Variants in LYSMD3 observed in about 807,000 individuals in gnomAD.
LYSMD3 encodes lysM and putative peptidoglycan-binding domain-containing protein 3.
A neutral mutation model predicts 26.1 loss-of-function variants in LYSMD3; 13 were observed. That is an observed-to-expected ratio of 0.50 (90% CI 0.32 to 0.79). LYSMD3 has a LOEUF of 0.79. Ranked by LOEUF, LYSMD3 falls within the 30% of genes least tolerant of loss-of-function variation. The pLI, the probability that LYSMD3 is intolerant of heterozygous loss-of-function variation, is 0.03. For missense variants in LYSMD3, 331 were observed against 362.5 expected (o/e 0.91, Z 0.71); for synonymous variants, 109 against 119.4 (o/e 0.91, Z 0.57).
chr5:90,526,888 A>T (rs1018935696), intron 1 of LYSMD3: 4 of 152,236 alleles, frequency 2.6e-5, no homozygotes, highest in Non-Finnish European at 5.9e-5. Context: ...TTGCACATAG[A>T]TGAAAATGAA....
In LYSMD3 at chr5:90,520,870, G is replaced by T. The variant is rs181577821; in HGVS notation, c.256-1386C>A. Reference sequence around the variant, plus strand: ...GGAGGTGGTGGTTACAGTGAGCAGAGATTGTGCCACTGCACTCCAGCCTGG... The same window carrying T: ...GGAGGTGGTGGTTACAGTGAGCAGATATTGTGCCACTGCACTCCAGCCTGG... On this transcript the variant is annotated intron_variant, in intron 2 of 2. Coordinates refer to ENST00000315948, the MANE Select transcript of LYSMD3 (RefSeq NM_198273.2). 9.2e-5 allele frequency among the ~76,000 whole-genome samples: 14 copies of T among 151,802 alleles called. No homozygotes were observed. The East Asian group carries it at 2.7e-3, about 30-fold the overall frequency.
chr5:90,519,389 C>T lies in LYSMD3; in HGVS notation c.351G>A (p.Leu117=). 6.2e-7 allele frequency: 1 copy of T among 1,613,840 alleles called. No homozygotes were observed. Among genetic ancestry groups the T allele is most frequent in the Non-Finnish European group, 8.5e-7 (1 of 1,179,938 alleles). ...IKIPVKKFSS[L]TETLCPPKGR... is the part of the protein sequence containing the mutation. Reference sequence around the variant, plus strand: ...CTTTTGGAGGACAAAGTGTTTCGGTCAAGGAACTGAACTTTTTTACTGGAA... The same window carrying T: ...CTTTTGGAGGACAAAGTGTTTCGGTTAAGGAACTGAACTTTTTTACTGGAA... The change falls in exon 3 of 3, where the codon TTG becomes TTA. Residue 117 remains leucine (L), a synonymous_variant. Coordinates refer to ENST00000315948, the MANE Select transcript of LYSMD3 (RefSeq NM_198273.2).
chr5:90,519,545 A>C (rs1342506030), intron 2 of LYSMD3, 61 bp from the exon 3 acceptor site: 2 of 1,465,306 alleles, frequency 1.4e-6, no homozygotes, highest in Non-Finnish European at 1.8e-6. Context: ...AGGCAGCAAT[A>C]GTCATTCATT....
chr5:90,525,892 G>A (rs1223492459), intron 1 of LYSMD3, among the ~76,000 whole-genome samples: 1 of 152,046 alleles, frequency 6.6e-6, no homozygotes, highest in Admixed American at 6.5e-5. Flanking sequence ...AAGGCAAATT[G>A]CTATAATTCT....
chr5:90,522,356 C>T (rs1010829349), intron 2 of LYSMD3, among the ~76,000 whole-genome samples: 1 of 152,142 alleles, frequency 6.6e-6, no homozygotes, highest in South Asian at 2.1e-4. Flanking sequence ...TATAAACTAC[C>T]CAGTCTCAGG....
chr5:90,519,094 T>G lies in LYSMD3; in HGVS notation c.646A>C (p.Ile216Leu). 1 of 1,614,148 alleles carries G rather than the reference T, an allele frequency of 6.2e-7. No individual in the cohort carries two copies. Among genetic ancestry groups the G allele is most frequent in the Non-Finnish European group, 8.5e-7 (1 of 1,179,974 alleles). Residue 216 changes from isoleucine (I) to leucine (L), a missense_variant, in exon 3 of 3, where the codon ATA (isoleucine) becomes CTA (leucine). Physicochemically the swap from Ile to Leu is conservative, Grantham distance 5. This residue lies in a region of LYSMD3 where 262 missense variants were observed against 267.3 expected (regional missense o/e 0.98). Coordinates refer to ENST00000315948, the MANE Select transcript of LYSMD3 (RefSeq NM_198273.2). ...ATCACTACAGCTGTCCACCACCCTA[T>G]TCCCCAGTCTGCTCCATAATAGGGG... ...KDPYYGADWG[I>L]GWWTAVVIML...
At chr5:90,525,860 G>A (rs527265218) in intron 1 of LYSMD3, among the ~76,000 whole-genome samples, 6 of 152,280 alleles carry the variant, frequency 3.9e-5, no homozygotes, top group African/African-American at 1.2e-4. Flanking sequence ...CACTAAACAC[G>A]TGGAGTAATT....
intron 2 of LYSMD3, among the ~76,000 whole-genome samples, chr5:90,524,577 T>C (rs1027615370): frequency 7.2e-5 from 11 of 152,218 alleles, no homozygotes; most frequent in African/African-American, 2.4e-4. Context: ...CATCTACAAA[T>C]GTGACACAGA....
intron 1 of LYSMD3, among the ~76,000 whole-genome samples, chr5:90,525,786 C>T (rs1036615324): frequency 1.3e-5 from 2 of 152,050 alleles, no homozygotes; most frequent in African/African-American, 2.4e-5. Flanking sequence ...GTAGAACAAA[C>T]GTATTTGGCA....
At chr5:90,529,411 G>A in intron 1 of LYSMD3, 37 bp downstream of exon 1, 1 of 456,454 alleles carries the variant, frequency 2.2e-6, no homozygotes, top group Non-Finnish European at 4.4e-6. Flanking sequence ...CCGCCCTCCT[G>A]GACCGGGCTA....
At chr5:90,525,875 A>T (rs888922267) in intron 1 of LYSMD3, among the ~76,000 whole-genome samples, 1 of 152,252 alleles carries the variant, frequency 6.6e-6, no homozygotes, top group Non-Finnish European at 1.5e-5. Flanking sequence ...GTAATTACAT[A>T]TTAACAAAGG....
Position 90,519,196 on chromosome 5 carries a change from G to A in LYSMD3, c.544C>T (p.Leu182Phe). 6.2e-7 allele frequency: 1 copy of A among 1,613,866 alleles called. No individual in the cohort carries two copies. The highest frequency in any genetic ancestry group is 1.1e-5 in the South Asian group (1 of 91,052). Residue 182 changes from leucine (L) to phenylalanine (F), a missense_variant, in exon 3 of 3, where the codon CTC becomes TTC. Physicochemically the swap from Leu to Phe is conservative, Grantham distance 22. Coordinates refer to ENST00000315948, the MANE Select transcript of LYSMD3 (RefSeq NM_198273.2). ...VKCTDNKREN[L>F]NEVVSALTAQ... Reference sequence around the variant, plus strand: ...GTTAAGGCCGATACTACCTCATTGAGGTTCTCTCTCTTATTGTCTGTACAC... The same window carrying A: ...GTTAAGGCCGATACTACCTCATTGAAGTTCTCTCTCTTATTGTCTGTACAC...
Position 90,519,051 on chromosome 5 carries a change from A to AT in LYSMD3, c.688dup (p.Ile230AsnfsTer12). The AT allele has an allele frequency of 6.2e-7, 1 of 1,614,100 alleles. No individual in the cohort carries two copies. Among genetic ancestry groups the AT allele is most frequent in the African/African-American group, 1.3e-5 (1 of 75,050 alleles). On this transcript the variant is annotated frameshift_variant, in exon 3 of 3. Coordinates refer to ENST00000315948, the MANE Select transcript of LYSMD3 (RefSeq NM_198273.2). LOFTEE classifies it high-confidence loss of function. ...CAACAAATAAAACACTGGTGTTATT[A>AT]TACCTACTATCAACATTATCACTAC... is the stretch of plus-strand genomic sequence containing the variant.
rs1752970081 is a variant in LYSMD3 at position 90,517,084 on chromosome 5, TTC to T, written c.*1733_*1734del. Reference sequence around the variant, plus strand: ...GCATAAATTATATCACACTCTTCTTTTCAAGATGCCCAAGGCACATTAAAACT... The same window carrying T: ...GCATAAATTATATCACACTCTTCTTTAAGATGCCCAAGGCACATTAAAACT... On this transcript the variant is annotated 3_prime_UTR_variant, in exon 3 of 3. Coordinates refer to ENST00000315948, the MANE Select transcript of LYSMD3 (RefSeq NM_198273.2). The T allele has an allele frequency of 1.3e-5, 2 of 152,466 alleles. No homozygotes were observed. Among genetic ancestry groups the T allele is most frequent in the Admixed American group, 1.3e-4 (2 of 15,274 alleles). 9.4% of individuals were successfully genotyped at this position (152,466 alleles called of 1,614,324 possible). A position where few individuals can be genotyped will look rare whatever the true frequency, so the allele number is the denominator to read the frequency against.
rs761052142 is a variant in LYSMD3 at position 90,525,314 on chromosome 5, A to G, written c.-11-14T>C. 6.4e-7 allele frequency: 1 copy of G among 1,563,570 alleles called. No individual in the cohort carries two copies. The highest frequency in any genetic ancestry group is 2.2e-5 in the East Asian group (1 of 44,532). The stretch of plus-strand genomic sequence containing the variant: ...TAATGTTAAAATCTGGAGGAAAAAA[A>G]AAGCAGAGAAAATTTTGGAATGTAG... On this transcript the variant is annotated splice_polypyrimidine_tract_variant and intron_variant, in intron 1 of 2. Coordinates refer to ENST00000315948, the MANE Select transcript of LYSMD3 (RefSeq NM_198273.2).
chr5:90,519,597 GTATT>G, intron 2 of LYSMD3, 113 bp from the exon 3 acceptor site: 1 of 1,010,290 alleles, frequency 9.9e-7, no homozygotes, highest in Non-Finnish European at 1.4e-6. Context: ...ATTATTAGTA[GTATT>G]AAGTTGCACC....
intron 1 of LYSMD3, 53 bp from the exon 2 acceptor site, chr5:90,525,353 C>T: frequency 8.7e-6 from 13 of 1,494,460 alleles, no homozygotes; most frequent in Non-Finnish European, 1.2e-5. Context: ...ATCCAACTGA[C>T]TGATTTGCAT....
chr5:90,527,761 A>G (rs1380679565), intron 1 of LYSMD3, among the ~76,000 whole-genome samples: 3 of 152,236 alleles, frequency 2.0e-5, no homozygotes, highest in Non-Finnish European at 4.4e-5. Context: ...CAAGCATTTC[A>G]GGTAAGGACT....
chr5:90,529,402 C>G (rs992694361), intron 1 of LYSMD3, 46 bp downstream of exon 1: 2 of 456,482 alleles, frequency 4.4e-6, no homozygotes, highest in Middle Eastern at 6.5e-4. Context: ...GGCTCAACCC[C>G]GCCCTCCTGG....
Sources: allele counts gnomAD v4.1 joint callset (sites outside exome capture counted in the v4.1 genomes callset), GRCh38; gene constraint gnomAD v4.1.1; regional missense constraint gnomAD v4.1.1; transcripts MANE v1.5; gene names NCBI Gene and HGNC (gene_info 2026-07-23, HGNC 2026-07-21).